TCERG1L: variants seen among roughly 807,000 people sequenced by gnomAD.
TCERG1L encodes transcription elongation regulator 1-like protein.
TCERG1L carries 37 observed loss-of-function variants against 56.3 expected under a neutral mutation model. That is an observed-to-expected ratio of 0.66 (90% CI 0.51 to 0.87). The LOEUF (loss-of-function observed/expected upper bound fraction) is 0.87, where lower values mean the gene tolerates loss of function less well. Among genes scored for constraint, TCERG1L ranks in the 40% least tolerant of loss-of-function variants. The probability of loss-of-function intolerance (pLI) is 0.00; values close to 1 mark genes in which losing one functional copy is unlikely to be tolerated. For synonymous variants in TCERG1L, 324 were observed against 326.3 expected (o/e 0.99, Z 0.08); for missense variants, 799 against 774.2 (o/e 1.03, Z -0.38).
intron 3 of TCERG1L, among the ~76,000 whole-genome samples, chr10:131,270,893 G>A (rs936892510): frequency 2.6e-5 from 4 of 152,136 alleles, no homozygotes; most frequent in African/African-American, 9.7e-5. Flanking sequence ...TGCCAGGCTG[G>A]GGCCAGGCCC....
chr10:131,217,887 A>G (rs1391115988), intron 4 of TCERG1L, among the ~76,000 whole-genome samples: 1 of 151,824 alleles, frequency 6.6e-6, no homozygotes, highest in Admixed American at 6.6e-5. Flanking sequence ...ACGCCCGGCT[A>G]ATTTTTTTTT....
chr10:131,283,725 T>C (rs1488011706), intron 3 of TCERG1L, among the ~76,000 whole-genome samples: 1 of 152,144 alleles, frequency 6.6e-6, no homozygotes, highest in Non-Finnish European at 1.5e-5. Context: ...AATGTAAAAC[T>C]TCATAGAAAG....
At chr10:131,106,143 T>C (rs1845349889) in intron 9 of TCERG1L, among the ~76,000 whole-genome samples, 1 of 152,246 alleles carries the variant, frequency 6.6e-6, no homozygotes, top group African/African-American at 2.4e-5. Flanking sequence ...CAAGGGAATG[T>C]TTAAGCCATT....
chr10:131,311,283 G>A lies in TCERG1L; in HGVS notation c.342+11C>T. ...GGCGACCCGGGCCGAGGCGGGACGG[G>A]GACACGTTACCTGCCCGTGGAGCGC... is the stretch of plus-strand genomic sequence containing the variant. On this transcript the variant is annotated intron_variant, in intron 1 of 11. Coordinates refer to ENST00000368642, the MANE Select transcript of TCERG1L (RefSeq NM_174937.4). This position sits in a 1 kb window ranked among gnomAD's most constrained non-coding sequence, Gnocchi z 4.0. The A allele has an allele frequency of 8.3e-7, 1 of 1,204,264 alleles. No homozygotes were observed. Among genetic ancestry groups the A allele is most frequent in the Non-Finnish European group, 1.0e-6 (1 of 970,246 alleles). 74.6% of individuals were successfully genotyped at this position (1,204,264 alleles called of 1,614,324 possible).
At chr10:131,181,910 A>G (rs1330728926) in intron 4 of TCERG1L, among the ~76,000 whole-genome samples, 1 of 152,266 alleles carries the variant, frequency 6.6e-6, no homozygotes, top group Non-Finnish European at 1.5e-5. Context: ...ATCCCTCCCA[A>G]GGCAGCATTG....
intron 4 of TCERG1L, among the ~76,000 whole-genome samples, chr10:131,244,740 C>A (rs1335432451): frequency 7.9e-5 from 12 of 152,148 alleles, no homozygotes. Flanking sequence ...CTGGCCCAGG[C>A]TGAAAGAGTT....
chr10:131,224,932 T>A (rs964212243), intron 4 of TCERG1L, among the ~76,000 whole-genome samples: 1 of 152,136 alleles, frequency 6.6e-6, no homozygotes, highest in African/African-American at 2.4e-5. Context: ...TCTTTACTAG[T>A]GGAGGTAATA....
At chr10:131,162,699 G>T (rs1407202918) in intron 6 of TCERG1L, 2 of 157,908 alleles carry the variant, frequency 1.3e-5, no homozygotes, top group Non-Finnish European at 1.4e-5. Flanking sequence ...GGTGTCTGGA[G>T]TGTGGCATAT....
intron 4 of TCERG1L, among the ~76,000 whole-genome samples, chr10:131,167,628 G>A (rs886078239): frequency 6.6e-6 from 1 of 152,208 alleles, no homozygotes; most frequent in Non-Finnish European, 1.5e-5. Flanking sequence ...GGCCATGATG[G>A]GCTGCCCTTG....
intron 3 of TCERG1L, among the ~76,000 whole-genome samples, chr10:131,274,705 C>T (rs778578381): frequency 3.3e-5 from 5 of 152,182 alleles, no homozygotes; most frequent in African/African-American, 4.8e-5. Context: ...AAGCTTCCTC[C>T]CAGGCCCCAG....
chr10:131,137,591 C>T (rs529893406), intron 7 of TCERG1L, among the ~76,000 whole-genome samples: 5 of 152,312 alleles, frequency 3.3e-5, no homozygotes, highest in Middle Eastern at 6.8e-3. Context: ...CACACCAGAA[C>T]GTACCCAGGG....
Position 131,116,919 on chromosome 10 carries a change from C to G in TCERG1L, c.1275G>C (p.Gly425=), listed in dbSNP as rs1432274086. ...KTKRNRTEGC[G]SPKPEEAKRE... ...TCTTTGCCTCCTCTGGCTTGGGACT[C>G]CCGCAGCCTTCGGTCCTTCAGGAAC... is the stretch of plus-strand genomic sequence containing the variant. The change falls in exon 9 of 12, where the codon GGG becomes GGC. Residue 425 remains glycine (G), a synonymous_variant. Coordinates refer to ENST00000368642, the MANE Select transcript of TCERG1L (RefSeq NM_174937.4). The G allele has an allele frequency of 1.2e-6, 2 of 1,608,044 alleles. No individual in the cohort carries two copies. The highest frequency in any genetic ancestry group is 1.3e-5 in the African/African-American group (1 of 74,834).
chr10:131,279,823 C>T (rs1004736724), intron 3 of TCERG1L, among the ~76,000 whole-genome samples: 8 of 151,944 alleles, frequency 5.3e-5, no homozygotes, highest in African/African-American at 1.9e-4. Context: ...CATAGCAAAC[C>T]CTGTGAAAAC....
intron 3 of TCERG1L, among the ~76,000 whole-genome samples, chr10:131,290,908 CTTAT>C (rs1846612559): frequency 6.6e-6 from 1 of 152,168 alleles, no homozygotes; most frequent in Admixed American, 6.5e-5. Context: ...GTCATATTGG[CTTAT>C]TTAAAGGATC....
At chr10:131,159,710 G>A (rs1490334421) in intron 6 of TCERG1L, among the ~76,000 whole-genome samples, 4 of 152,144 alleles carry the variant, frequency 2.6e-5, no homozygotes, top group African/African-American at 4.8e-5. Flanking sequence ...ATGGCAGAGA[G>A]CTTTTCCTAG....
At chr10:131,242,442 G>A (rs1412815061) in intron 4 of TCERG1L, among the ~76,000 whole-genome samples, 6 of 152,102 alleles carry the variant, frequency 3.9e-5, no homozygotes, top group African/African-American at 1.2e-4. Flanking sequence ...TTGGGCAAAC[G>A]ACAGAGTGGC....
intron 4 of TCERG1L, among the ~76,000 whole-genome samples, chr10:131,237,470 T>G (rs542934027): frequency 6.6e-6 from 1 of 152,306 alleles, no homozygotes; most frequent in South Asian, 2.1e-4. Flanking sequence ...TCAGTAGGCA[T>G]GAGTGTTTAC....
intron 7 of TCERG1L, among the ~76,000 whole-genome samples, chr10:131,134,866 T>G (rs1845658100): frequency 6.6e-6 from 1 of 152,070 alleles, no homozygotes; most frequent in South Asian, 2.1e-4. Flanking sequence ...CAGCAGCACC[T>G]CCAACAGGCC....
At chr10:131,305,696 T>G (rs1316996258) in intron 3 of TCERG1L, among the ~76,000 whole-genome samples, 4 of 152,076 alleles carry the variant, frequency 2.6e-5, no homozygotes, top group African/African-American at 9.7e-5. Context: ...TGAGTGAGTT[T>G]GATTCACTCT....
Sources: gnomAD v4.1 joint callset for allele counts (sites outside exome capture counted in the v4.1 genomes callset) on GRCh38, gnomAD v4.1.1 for gene constraint, Gnocchi (gnomAD v3.1) non-coding constraint, MANE v1.5 for transcripts, NCBI Gene and HGNC (gene_info 2026-07-23, HGNC 2026-07-21) for gene names.